HPSE2: variants seen among roughly 807,000 people sequenced by gnomAD.
The protein encoded by HPSE2 is heparanase 2 (inactive), also known as inactive heparanase-2.
A neutral mutation model predicts 60.5 loss-of-function variants in HPSE2; 38 were observed. The observed-to-expected ratio is 0.63, with a 90% CI of 0.48 to 0.82. HPSE2 has a LOEUF of 0.82. HPSE2 is among the 40% of genes least tolerant of loss of function. HPSE2 has a pLI of 0.00. For missense variants in HPSE2, 713 were observed against 740.4 expected (o/e 0.96, Z 0.43); for synonymous variants, 295 against 293.2 (o/e 1.01, Z -0.06).
intron 3 of HPSE2, among the ~76,000 whole-genome samples, chr10:98,972,345 T>C (rs1430087479): frequency 6.6e-6 from 1 of 152,138 alleles, no homozygotes. Flanking sequence ...TATGTGCCTT[T>C]TAATATTGCC....
At chr10:98,660,107 T>C (rs1947182949) in intron 6 of HPSE2, among the ~76,000 whole-genome samples, 1 of 152,132 alleles carries the variant, frequency 6.6e-6, no homozygotes. Context: ...GTTGTCTGAA[T>C]GAAGAGAGAA....
chr10:99,015,674 G>T (rs557715420), intron 3 of HPSE2, among the ~76,000 whole-genome samples: 34 of 152,080 alleles, frequency 2.2e-4, no homozygotes, highest in Admixed American at 1.7e-3. Context: ...GTTGTGGGGT[G>T]GGGGGAGAGG....
chr10:99,256,766 G>A, the HPSE2 span, among the ~76,000 whole-genome samples: 2 of 152,170 alleles, frequency 1.3e-5, no homozygotes, highest in Non-Finnish European at 2.9e-5. Flanking sequence ...CAAGATTGTA[G>A]GTTATGGCTG....
chr10:99,147,702 G>A (rs567710338), intron 2 of HPSE2, among the ~76,000 whole-genome samples: 1 of 152,246 alleles, frequency 6.6e-6, no homozygotes, highest in African/African-American at 2.4e-5. Context: ...TAGATATGCT[G>A]TATCTAAAGT....
At chr10:98,603,455 G>C (rs1945489398) in intron 9 of HPSE2, among the ~76,000 whole-genome samples, 1 of 88,676 alleles carries the variant, frequency 1.1e-5, no homozygotes, top group African/African-American at 2.8e-5. Flanking sequence ...TTTTTTGACA[G>C]AGTCTTGCTC....
intron 5 of HPSE2, among the ~76,000 whole-genome samples, chr10:98,709,799 T>C (rs912836660): frequency 1.7e-4 from 26 of 152,168 alleles, no homozygotes; most frequent in Admixed American, 6.6e-4. Flanking sequence ...CAGCTCTCTA[T>C]TATAATAAGG....
chr10:98,824,105 T>C (rs1477265226), intron 3 of HPSE2, among the ~76,000 whole-genome samples: 1 of 152,130 alleles, frequency 6.6e-6, no homozygotes, highest in Non-Finnish European at 1.5e-5. Flanking sequence ...AAAAGGGAAA[T>C]TGGAAAATAT....
intron 3 of HPSE2, among the ~76,000 whole-genome samples, chr10:99,058,467 C>A (rs1291527194): frequency 2.6e-5 from 4 of 152,172 alleles, no homozygotes; most frequent in African/African-American, 9.7e-5. Context: ...GGATTCCCAG[C>A]ATGGTAGCCA....
At chr10:99,283,190 T>TAA in the HPSE2 span, among the ~76,000 whole-genome samples, 1 of 39,698 alleles carries the variant, frequency 2.5e-5, no homozygotes, top group African/African-American at 1.2e-4. Flanking sequence ...CGTCTCAGGT[T>TAA]AAAAAAAAAA....
chr10:99,114,144 G>A (rs1844581640), intron 3 of HPSE2, among the ~76,000 whole-genome samples: 1 of 152,164 alleles, frequency 6.6e-6, no homozygotes, highest in Non-Finnish European at 1.5e-5. Flanking sequence ...TCTTCTTACA[G>A]GTTATTAGCA....
chr10:99,071,539 C>T (rs1439569061), intron 3 of HPSE2, among the ~76,000 whole-genome samples: 1 of 152,104 alleles, frequency 6.6e-6, no homozygotes, highest in Non-Finnish European at 1.5e-5. Flanking sequence ...TGATTTCTAT[C>T]TCATTGTAGT....
chr10:99,202,239 T>C (rs892283114), intron 2 of HPSE2, among the ~76,000 whole-genome samples: 2 of 152,190 alleles, frequency 1.3e-5, no homozygotes, highest in Non-Finnish European at 2.9e-5. Context: ...ACAGAGATGA[T>C]GAAATGCAGA....
intron 9 of HPSE2, among the ~76,000 whole-genome samples, chr10:98,553,997 A>G (rs1182239041): frequency 6.6e-6 from 1 of 152,208 alleles, no homozygotes; most frequent in African/African-American, 2.4e-5. Context: ...TAAGGATCCA[A>G]GGGTACTTTG....
intron 3 of HPSE2, among the ~76,000 whole-genome samples, chr10:98,894,025 A>C (rs1002503853): frequency 3.3e-5 from 5 of 152,222 alleles, no homozygotes; most frequent in Non-Finnish European, 7.3e-5. Flanking sequence ...ATTTTCTGAA[A>C]ACATATGCCA....
chr10:98,956,066 G>A (rs1396127326), intron 3 of HPSE2, among the ~76,000 whole-genome samples: 3 of 152,114 alleles, frequency 2.0e-5, no homozygotes, highest in African/African-American at 7.2e-5. Flanking sequence ...GTTTACCCAT[G>A]TAACAAACTT....
At chr10:99,214,401 A>G (rs1326624263) in intron 2 of HPSE2, among the ~76,000 whole-genome samples, 4 of 152,256 alleles carry the variant, frequency 2.6e-5, no homozygotes, top group African/African-American at 9.6e-5. Context: ...AAAAACTTGT[A>G]TACAAATTTT....
intron 3 of HPSE2, among the ~76,000 whole-genome samples, chr10:99,036,653 C>T (rs1174287944): frequency 6.6e-6 from 1 of 152,076 alleles, no homozygotes; most frequent in Non-Finnish European, 1.5e-5. Context: ...AGCATTAGAA[C>T]ACCACAATAA....
At chr10:98,795,019 A>AGAAGGAAGGAGGGAAG (rs1950744826) in intron 3 of HPSE2, among the ~76,000 whole-genome samples, 1 of 56,098 alleles carries the variant, frequency 1.8e-5, no homozygotes, top group African/African-American at 8.3e-5. Flanking sequence ...AGAGAGAGAG[A>AGAAGGAAGGAGGGAAG]GAAGGAAGGA....
chr10:99,227,769 T>C (rs1489368389), intron 2 of HPSE2, among the ~76,000 whole-genome samples: 1 of 150,546 alleles, frequency 6.6e-6, no homozygotes, highest in Non-Finnish European at 1.5e-5. Flanking sequence ...TGTCTTCCTA[T>C]AAAGAATTTG....
Sources: allele counts gnomAD v4.1 joint callset (sites outside exome capture counted in the v4.1 genomes callset), GRCh38; gene constraint gnomAD v4.1.1; transcripts MANE v1.5; gene names NCBI Gene and HGNC (gene_info 2026-07-23, HGNC 2026-07-21).